Variants in SYAP1 observed in about 807,000 individuals in gnomAD.
The protein encoded by SYAP1 is synapse associated protein 1.
A neutral mutation model predicts 29.6 loss-of-function variants in SYAP1; 3 were observed. The ratio of observed to expected loss-of-function variants is 0.10; its 90% CI spans 0.05 to 0.26. SYAP1 has a LOEUF of 0.26. Among genes scored for constraint, SYAP1 ranks in the 10% least tolerant of loss-of-function variants. SYAP1 has a pLI of 1.00. For missense variants in SYAP1, 217 were observed against 264.1 expected (o/e 0.82, Z 1.24); for synonymous variants, 102 against 102.7 (o/e 0.99, Z 0.04).
chrX:16,731,434 G>C (rs910551993), intron 1 of SYAP1, among the ~76,000 whole-genome samples: 2 of 111,708 alleles, frequency 1.8e-5, no homozygotes, highest in Non-Finnish European at 3.8e-5. Context: ...ACTCCATCTT[G>C]CTTCTAACCT....
At chrX:16,759,174 A>T (rs1206001894) in intron 8 of SYAP1, among the ~76,000 whole-genome samples, 2 of 104,739 alleles carry the variant, frequency 1.9e-5, no homozygotes, top group East Asian at 6.0e-4. Context: ...CCTGGGCAAC[A>T]GAGCAAGACT....
At chrX:16,755,604 C>T (rs976547555) in intron 6 of SYAP1, among the ~76,000 whole-genome samples, 1 of 110,831 alleles carries the variant, frequency 9.0e-6, no homozygotes, top group African/African-American at 3.3e-5. Context: ...CCTGATGTTT[C>T]TCCAGTGTGT....
In SYAP1 at chrX:16,762,222, A is replaced by G. The variant is rs1927000609; in HGVS notation, c.*1863A>G. On this transcript the variant is annotated 3_prime_UTR_variant, in exon 9 of 9. Transcript: ENST00000380155. ...GCAGCTAAAAGTCCTAGATGGAAGCATATCAGGATGTGTCGGTGCTTGGCT... is the reference window on the plus strand; with the variant it reads ...GCAGCTAAAAGTCCTAGATGGAAGCGTATCAGGATGTGTCGGTGCTTGGCT... 1 of 111,995 alleles carries G rather than the reference A, an allele frequency of 8.9e-6. No homozygotes were observed. The highest frequency in any genetic ancestry group is 3.2e-5 in the African/African-American group (1 of 30,817). 9.2% of individuals were successfully genotyped at this position (111,995 alleles called of 1,213,427 possible).
At chrX:16,749,917 A>G (rs1237048919) in intron 5 of SYAP1, among the ~76,000 whole-genome samples, 2 of 109,468 alleles carry the variant, frequency 1.8e-5, no homozygotes, top group Non-Finnish European at 1.9e-5. Flanking sequence ...TCTCAAAAAA[A>G]AAAAAAAAAA....
At chrX:16,742,232 A>G (rs1361104976) in intron 4 of SYAP1, among the ~76,000 whole-genome samples, 2 of 101,263 alleles carry the variant, frequency 2.0e-5, no homozygotes, top group East Asian at 3.2e-4. Flanking sequence ...GCTCACTGCA[A>G]CCTTCTCCTC....
At chrX:16,730,421 A>G (rs186648510) in intron 1 of SYAP1, among the ~76,000 whole-genome samples, 1 of 112,857 alleles carries the variant, frequency 8.9e-6, no homozygotes, top group East Asian at 2.8e-4. Context: ...TTACACTGTT[A>G]ACTCTTAGCA....
chrX:16,762,537 G>A lies in SYAP1; in HGVS notation c.*2178G>A, dbSNP rs1002197534. The A allele has an allele frequency of 2.7e-5, 3 of 112,229 alleles. No individual in the cohort carries two copies. The highest frequency in any genetic ancestry group is 9.7e-5 in the African/African-American group (3 of 30,976). The allele number at this position is 112,229 out of a possible 1,213,427, so 9.2% of individuals were successfully genotyped here. A position where few individuals can be genotyped will look rare whatever the true frequency, so the allele number is the denominator to read the frequency against. ...AGTAAATTATATAGGTAACTGAAGT[G>A]TTATTCCTTTAAAGAGCAAAATAAT... On this transcript the variant is annotated 3_prime_UTR_variant, in exon 9 of 9. Transcript: ENST00000380155.
At chrX:16,731,552 C>G (rs898042289) in intron 1 of SYAP1, among the ~76,000 whole-genome samples, 5 of 112,070 alleles carry the variant, frequency 4.5e-5, no homozygotes, top group African/African-American at 1.6e-4. Context: ...ACTAGACTGC[C>G]TAAGGCCACA....
intron 1 of SYAP1, among the ~76,000 whole-genome samples, chrX:16,732,740 G>T (rs193052968): frequency 3.5e-4 from 39 of 111,837 alleles, no homozygotes; most frequent in Non-Finnish European, 7.3e-4. Context: ...TAACTAAAGA[G>T]AAATGAGTGA....
At chrX:16,743,625 C>CAA (rs371508958) in intron 4 of SYAP1, 76 bp from the exon 5 acceptor site, 1,318 of 853,842 alleles carry the variant, frequency 1.5e-3, no homozygotes, top group Non-Finnish European at 1.7e-3. Flanking sequence ...CAACCCGTCT[C>CAA]AAAAAAAAAA....
chrX:16,736,673 T>TTG (rs1304822614), intron 3 of SYAP1, among the ~76,000 whole-genome samples: 2 of 111,588 alleles, frequency 1.8e-5, no homozygotes, highest in African/African-American at 3.3e-5. Flanking sequence ...CCAGCTATTT[T>TTG]TGTGTGTGTG....
Position 16,757,502 on chromosome X carries a change from C to T in SYAP1, c.931+193C>T, listed in dbSNP as rs181583540. 1.5e-3 allele frequency among the ~76,000 whole-genome samples: 166 copies of T among 110,320 alleles called. 1 individual carries two copies. Among genetic ancestry groups the T allele is most frequent in the Middle Eastern group, 0.014 (3 of 214 alleles). ...TTGGGAGGCCGAGGCGGGCAGATCA[C>T]GAGGTCAGGAGATCGAGACCATCCT... On this transcript the variant is annotated intron_variant, in intron 8 of 8. Coordinates refer to ENST00000380155, the MANE Select transcript of SYAP1 (RefSeq NM_032796.4).
chrX:16,756,860 A>T, intron 7 of SYAP1, 139 bp downstream of exon 7: 1 of 630,484 alleles, frequency 1.6e-6, no homozygotes. Context: ...TAGTCAAGGA[A>T]CTAGGGCTGA....
At chrX:16,733,359 C>CCCAGACACCTATA (rs1926250750) in intron 1 of SYAP1, among the ~76,000 whole-genome samples, 2 of 111,267 alleles carry the variant, frequency 1.8e-5, no homozygotes, top group South Asian at 7.6e-4. Context: ...ATTACTGGCT[C>CCCAGACACCTATA]CCAGACACCT....
chrX:16,755,990 G>A (rs5934327), intron 6 of SYAP1, among the ~76,000 whole-genome samples: 36,293 of 109,967 alleles, frequency 0.33, 4,452 homozygotes, highest in East Asian at 0.55. Context: ...GTTAGTGTCA[G>A]GGAAATGGAG....
intron 3 of SYAP1, among the ~76,000 whole-genome samples, chrX:16,736,689 T>G (rs1024337847): frequency 8.9e-6 from 1 of 111,829 alleles, no homozygotes; most frequent in African/African-American, 3.2e-5. Context: ...GTGTGTATTT[T>G]TAGTAGAAAC....
chrX:16,739,505 G>A (rs1280403807), intron 3 of SYAP1, among the ~76,000 whole-genome samples: 1 of 95,692 alleles, frequency 1.0e-5, no homozygotes, highest in East Asian at 3.2e-4. Context: ...TTGAAACGGA[G>A]TCTGTCTGTT....
At chrX:16,734,005 G>A (rs1358270078) in intron 1 of SYAP1, among the ~76,000 whole-genome samples, 1 of 111,271 alleles carries the variant, frequency 9.0e-6, no homozygotes, top group Non-Finnish European at 1.9e-5. Flanking sequence ...AGCTAATTCT[G>A]TGGTTTTGTT....
chrX:16,759,945 A>G (rs1483495289), intron 8 of SYAP1, among the ~76,000 whole-genome samples: 3 of 112,509 alleles, frequency 2.7e-5, no homozygotes, highest in African/African-American at 9.7e-5. Context: ...ACCCATTTAA[A>G]TAAAAGGAAA....
Sources: gnomAD v4.1 joint callset for allele counts (sites outside exome capture counted in the v4.1 genomes callset) on GRCh38, gnomAD v4.1.1 for gene constraint, MANE v1.5 for transcripts, NCBI Gene and HGNC (gene_info 2026-07-23, HGNC 2026-07-21) for gene names.